The following SNX4 variants were observed in gnomAD, a reference collection of about 807,000 sequenced individuals.
The protein encoded by SNX4 is sorting nexin-4.
Under a neutral mutation model 70.8 loss-of-function variants are expected in SNX4, and 49 were observed. That is an observed-to-expected ratio of 0.69 (90% confidence interval 0.55 to 0.88). The LOEUF (loss-of-function observed/expected upper bound fraction) is 0.88, where lower values mean the gene tolerates loss of function less well. Ranked by LOEUF, SNX4 falls within the 40% of genes least tolerant of loss-of-function variation. The pLI, the probability that SNX4 is intolerant of heterozygous loss-of-function variation, is 0.00. For synonymous variants in SNX4, 206 were observed against 183.8 expected (o/e 1.12, Z -0.98); for missense variants, 528 against 544.8 (o/e 0.97, Z 0.31).
rs1217069003 is a variant in SNX4 at position 125,457,153 on chromosome 3, T to G, written c.1044+113A>C. On this transcript the variant is annotated intron_variant, in intron 11 of 13. Coordinates refer to ENST00000251775, the MANE Select transcript of SNX4 (RefSeq NM_003794.4). ...CTGTAAAAGGTTCAGCCGTCCTGAG[T>G]ATTGTAACTGGAACTGATTCTACAG... 6 of 731,746 alleles carry G rather than the reference T, an allele frequency of 8.2e-6. No homozygotes were observed. In the Admixed American group the frequency reaches 1.3e-4, roughly 16 times the overall value. 45.3% of individuals were successfully genotyped at this position (731,746 alleles called of 1,614,324 possible).
At chr3:125,457,659 C>A (rs1476235022) in intron 10 of SNX4, among the ~76,000 whole-genome samples, 1 of 147,644 alleles carries the variant, frequency 6.8e-6, no homozygotes, top group African/African-American at 2.5e-5. Flanking sequence ...CTCACTGCAA[C>A]CTCCGCCTCC....
Position 125,504,780 on chromosome 3 carries a change from A to C in SNX4, c.142-36T>G, listed in dbSNP as rs554461355. ...GTAAATAAAACAACAACAACAACAA[A>C]AACCTTTAAGATGGTACTGAAAAAA... On this transcript the variant is annotated intron_variant, in intron 1 of 13. Transcript: ENST00000251775. The C allele has an allele frequency of 1.6e-5, 26 of 1,602,436 alleles. No individual in the cohort carries two copies. The African/African-American group carries it at 3.5e-4, about 21-fold the overall frequency.
intron 6 of SNX4, among the ~76,000 whole-genome samples, chr3:125,481,873 T>A (rs1934419382): frequency 6.6e-6 from 1 of 152,104 alleles, no homozygotes; most frequent in South Asian, 2.1e-4. Context: ...GTCCTCAGGT[T>A]ATACTTTATT....
intron 2 of SNX4, 40 bp downstream of exon 2, chr3:125,504,583 C>T: frequency 6.3e-7 from 1 of 1,583,610 alleles, no homozygotes; most frequent in Non-Finnish European, 8.6e-7. Context: ...TCAGAAAAAG[C>T]TTTCTGTCTA....
At chr3:125,495,250 T>TTATATATATATATATGTATATATATA (rs1934758482) in intron 5 of SNX4, among the ~76,000 whole-genome samples, 1 of 38,166 alleles carries the variant, frequency 2.6e-5, no homozygotes, top group Non-Finnish European at 6.2e-5. Flanking sequence ...CATTCTCTCT[T>TTATATATATATATATGTATATATATA]TATATATATA....
chr3:125,484,486 C>T (rs1367978855), intron 6 of SNX4, among the ~76,000 whole-genome samples: 2 of 152,030 alleles, frequency 1.3e-5, no homozygotes, highest in Non-Finnish European at 2.9e-5. Context: ...AACTTCTGAC[C>T]TCAAGTGATC....
At chr3:125,453,776 A>G in intron 12 of SNX4, 34 bp downstream of exon 12, 1 of 1,605,272 alleles carries the variant, frequency 6.2e-7, no homozygotes, top group Middle Eastern at 1.7e-4. Context: ...ATAGTCTACA[A>G]GCCTAGCTTA....
At chr3:125,507,165 G>A (rs553969801) in intron 1 of SNX4, among the ~76,000 whole-genome samples, 11 of 136,448 alleles carry the variant, frequency 8.1e-5, no homozygotes, top group Middle Eastern at 4.2e-3. Context: ...CAAAGACCAC[G>A]CCACTGCACT....
At chr3:125,481,641 T>C (rs931491727) in intron 6 of SNX4, among the ~76,000 whole-genome samples, 5 of 152,180 alleles carry the variant, frequency 3.3e-5, no homozygotes, top group African/African-American at 4.8e-5. Context: ...GGTTTCTCCA[T>C]GTTGGTCAGG....
In SNX4 at chr3:125,520,184, G is replaced by A; in HGVS notation, c.-12C>T. ...GGTGCCTGCTCCATGGCTGCAGTTC[G>A]GCGCGGCGAACCCAGTGCGCCTGCG... On this transcript the variant is annotated 5_prime_UTR_variant, in exon 1 of 14. Coordinates refer to ENST00000251775, the MANE Select transcript of SNX4 (RefSeq NM_003794.4). 7.3e-7 allele frequency: 1 copy of A among 1,360,652 alleles called. No homozygotes were observed. Among genetic ancestry groups the A allele is most frequent in the Non-Finnish European group, 9.4e-7 (1 of 1,059,104 alleles). The allele number at this position is 1,360,652 out of a possible 1,614,324, so 84.3% of individuals were successfully genotyped here.
intron 1 of SNX4, among the ~76,000 whole-genome samples, chr3:125,506,489 TGC>T (rs1443252785): frequency 2.0e-5 from 3 of 150,350 alleles, no homozygotes; most frequent in African/African-American, 7.4e-5. Flanking sequence ...TACAGGCTTG[TGC>T]CACCATACCA....
intron 10 of SNX4, among the ~76,000 whole-genome samples, chr3:125,460,062 C>T (rs1418405586): frequency 4.0e-5 from 6 of 151,668 alleles, no homozygotes; most frequent in African/African-American, 9.7e-5. Flanking sequence ...GGTGTGTTGG[C>T]GGGCGCCTGT....
chr3:125,490,925 T>C (rs983631874), intron 5 of SNX4, among the ~76,000 whole-genome samples: 1 of 152,062 alleles, frequency 6.6e-6, no homozygotes, highest in African/African-American at 2.4e-5. Context: ...TTTTACACTA[T>C]TACAACTTCC....
rs142399272 is a variant in SNX4, at chr3:125,468,202, T to G, written c.854+1252A>C. Reference sequence around the variant, plus strand: ...GTGGGAGTTAAACATTCAGTACACGTGGATTACAAAGAAGAGAACAACAGA... The same window carrying G: ...GTGGGAGTTAAACATTCAGTACACGGGGATTACAAAGAAGAGAACAACAGA... On this transcript the variant is annotated intron_variant, in intron 9 of 13. Transcript: ENST00000251775. Among the ~76,000 whole-genome samples, 463 of 152,208 alleles carry G rather than the reference T, an allele frequency of 3.0e-3. 7 individuals are homozygous for G. The South Asian group carries it at 0.037, about 12-fold the overall frequency.
chr3:125,477,398 T>C (rs975636618), intron 7 of SNX4, among the ~76,000 whole-genome samples: 2 of 152,226 alleles, frequency 1.3e-5, no homozygotes, highest in African/African-American at 4.8e-5. Context: ...AAATGTGTAC[T>C]GCCTAGCCAT....
chr3:125,462,477 G>A (rs953505635), intron 9 of SNX4, among the ~76,000 whole-genome samples: 5 of 151,404 alleles, frequency 3.3e-5, no homozygotes, highest in Admixed American at 1.3e-4. Flanking sequence ...ATAGTCCCAG[G>A]TGCTCAGGAG....
Position 125,460,852 on chromosome 3 carries a change from G to C in SNX4, c.863C>G (p.Ser288Cys). 6.8e-7 allele frequency: 1 copy of C among 1,462,302 alleles called. No homozygotes were observed. The highest frequency in any genetic ancestry group is 9.3e-7 in the Non-Finnish European group (1 of 1,072,004). 90.6% of individuals were successfully genotyped at this position (1,462,302 alleles called of 1,614,324 possible). A position where few individuals can be genotyped will look rare whatever the true frequency, so the allele number is the denominator to read the frequency against. The change falls in exon 10 of 14, where the codon TCT becomes TGT. Residue 288 changes from serine (S) to cysteine (C), a missense_variant. Physicochemically the swap from Ser to Cys is moderately radical, Grantham distance 112. Around this residue, in one of 3 missense-constraint regions of SNX4, gnomAD observed 28 missense variants for 60.0 expected, o/e 0.47. Transcript: ENST00000251775. Reference protein sequence around the residue: ...SAGHHMDVYASSIDDILEDEE... With the variant: ...SAGHHMDVYACSIDDILEDEE... ...ATCTTCCAAAATATCATCAATAGAA[G>C]ATGCATACCTGTTTTAAAAAAAAAA... is the stretch of plus-strand genomic sequence containing the variant.
intron 4 of SNX4, 141 bp from the exon 5 acceptor site, chr3:125,497,529 T>C (rs1934824062): frequency 1.5e-6 from 1 of 646,802 alleles, no homozygotes; most frequent in Non-Finnish European, 2.7e-6. Context: ...CACTTCAAAA[T>C]TAAACATTCA....
chr3:125,509,253 C>G (rs923780958), intron 1 of SNX4, among the ~76,000 whole-genome samples: 1 of 150,506 alleles, frequency 6.6e-6, no homozygotes, highest in Non-Finnish European at 1.5e-5. Flanking sequence ...TCGCTTGAAC[C>G]TGGGAGGTGG....
Sources: gnomAD v4.1 joint callset for allele counts (sites outside exome capture counted in the v4.1 genomes callset) on GRCh38, gnomAD v4.1.1 for gene constraint, gnomAD v4.1.1 regional missense constraint, MANE v1.5 for transcripts, NCBI Gene and HGNC (gene_info 2026-07-23, HGNC 2026-07-21) for gene names.